The following EYA2 variants were observed in gnomAD, a reference collection of about 807,000 sequenced individuals.
The protein encoded by EYA2 is protein phosphatase EYA2.
EYA2 carries 31 observed loss-of-function variants against 69.2 expected under a neutral mutation model. That is an observed-to-expected ratio of 0.45 (90% CI 0.34 to 0.60). The LOEUF (loss-of-function observed/expected upper bound fraction) is 0.60. Among genes scored for constraint, EYA2 ranks in the 20% least tolerant of loss-of-function variants. EYA2 has a pLI of 0.02. For synonymous variants in EYA2, 257 were observed against 279.4 expected (o/e 0.92, Z 0.80); for missense variants, 622 against 701.2 (o/e 0.89, Z 1.28).
chr20:47,025,891 C>T (rs1395033423), intron 5 of EYA2, among the ~76,000 whole-genome samples: 9 of 152,166 alleles, frequency 5.9e-5, no homozygotes, highest in Non-Finnish European at 1.3e-4. Flanking sequence ...TGTCTCAGGG[C>T]AGTAGTAATT....
chr20:46,918,979 G>A (rs1205032707), intron 1 of EYA2, among the ~76,000 whole-genome samples: 1 of 152,190 alleles, frequency 6.6e-6, no homozygotes, highest in African/African-American at 2.4e-5. Flanking sequence ...AGAGCTCTTG[G>A]GTGACCACGT....
chr20:47,109,773 C>A (rs2032696430), intron 9 of EYA2, among the ~76,000 whole-genome samples: 1 of 152,158 alleles, frequency 6.6e-6, no homozygotes, highest in Admixed American at 6.5e-5. Context: ...GTTTTGGCCC[C>A]CAGGGGACAT....
At chr20:47,028,915 A>G (rs1347911696) in intron 5 of EYA2, among the ~76,000 whole-genome samples, 1 of 151,756 alleles carries the variant, frequency 6.6e-6, no homozygotes, top group Non-Finnish European at 1.5e-5. Context: ...GCGATGCCAT[A>G]GATTATTCAA....
chr20:47,183,133 A>G (rs1366972290), intron 14 of EYA2, among the ~76,000 whole-genome samples, 158 bp from the exon 15 acceptor site: 11 of 152,114 alleles, frequency 7.2e-5, no homozygotes, highest in South Asian at 6.2e-4. Context: ...TGTGGGGATG[A>G]TAACAGGGCT....
At position 47,097,389 on chromosome 20, in the gene EYA2, A is replaced by G. The variant is rs373803508; in HGVS notation, c.888+221A>G. 2.8e-4 allele frequency among the ~76,000 whole-genome samples: 43 copies of G among 152,304 alleles called. 1 individual carries two copies. The South Asian group carries it at 7.5e-3, about 26-fold the overall frequency. ...ATTGTCTTCCATGCCTTTTCTTCCA[A>G]CGTTTGAAGCAATCAACATTTACTT... On this transcript the variant is annotated intron_variant, in intron 9 of 15. Coordinates refer to ENST00000327619, the MANE Select transcript of EYA2 (RefSeq NM_005244.5).
intron 10 of EYA2, among the ~76,000 whole-genome samples, chr20:47,149,934 C>A (rs1197554325): frequency 6.6e-6 from 1 of 152,176 alleles, no homozygotes; most frequent in African/African-American, 2.4e-5. Context: ...GAGGAGGGGG[C>A]CTTCCTTGCT....
At chr20:47,033,824 AAGAT>A (rs1332469757) in intron 5 of EYA2, among the ~76,000 whole-genome samples, 3 of 152,246 alleles carry the variant, frequency 2.0e-5, no homozygotes, top group Non-Finnish European at 4.4e-5. Context: ...TATAGCATGA[AAGAT>A]AGATCAACTT....
chr20:47,161,972 T>C (rs2034077532), intron 10 of EYA2, among the ~76,000 whole-genome samples: 2 of 152,186 alleles, frequency 1.3e-5, no homozygotes, highest in African/African-American at 4.8e-5. Context: ...CCACAGTTCA[T>C]GAGACGAGAA....
At chr20:47,185,207 G>A (rs898279183) in intron 15 of EYA2, among the ~76,000 whole-genome samples, 13 of 150,506 alleles carry the variant, frequency 8.6e-5, no homozygotes, top group Admixed American at 6.0e-4. Context: ...TAAGCCTGGG[G>A]TAAAGGCGGC....
At chr20:47,054,197 T>C (rs1381900786) in intron 5 of EYA2, among the ~76,000 whole-genome samples, 1 of 152,148 alleles carries the variant, frequency 6.6e-6, no homozygotes, top group East Asian at 1.9e-4. Context: ...TGTGAGGCAC[T>C]GAGCATTGCA....
intron 7 of EYA2, among the ~76,000 whole-genome samples, chr20:47,086,492 AG>A (rs1490806165): frequency 2.0e-5 from 3 of 152,080 alleles, no homozygotes; most frequent in African/African-American, 7.2e-5. Flanking sequence ...GGAAGGTAAA[AG>A]GGAAGCAGGC....
At chr20:46,986,256 A>G (rs1196754867) in intron 1 of EYA2, among the ~76,000 whole-genome samples, 2 of 148,854 alleles carry the variant, frequency 1.3e-5, no homozygotes, top group African/African-American at 4.9e-5. Context: ...ACATTTATAT[A>G]AACACTGGAG....
At chr20:46,972,873 T>C (rs1358082065) in intron 1 of EYA2, among the ~76,000 whole-genome samples, 1 of 152,252 alleles carries the variant, frequency 6.6e-6, no homozygotes. Context: ...AGAATGTCAA[T>C]GCTGAACAAA....
intron 1 of EYA2, among the ~76,000 whole-genome samples, chr20:46,943,861 T>C (rs1443223135): frequency 2.0e-5 from 3 of 152,226 alleles, no homozygotes; most frequent in Non-Finnish European, 2.9e-5. Flanking sequence ...TCTCTGTGGC[T>C]TGAAACCCTT....
intron 3 of EYA2, among the ~76,000 whole-genome samples, chr20:47,004,082 A>C (rs1364499463): frequency 6.6e-6 from 1 of 152,270 alleles, no homozygotes; most frequent in African/African-American, 2.4e-5. Flanking sequence ...AGCCCATTAT[A>C]GAACCTGTTG....
intron 1 of EYA2, among the ~76,000 whole-genome samples, chr20:46,982,580 T>G (rs1980905067): frequency 6.6e-6 from 1 of 152,182 alleles, no homozygotes; most frequent in South Asian, 2.1e-4. Flanking sequence ...CTATTACATG[T>G]GTGCTAGATC....
chr20:47,168,306 C>T (rs3091475), intron 10 of EYA2, among the ~76,000 whole-genome samples: 89,321 of 151,796 alleles, frequency 0.59, 27,182 homozygotes, highest in African/African-American at 0.74. Context: ...GTTCTCCTGC[C>T]TCAGCCTCCC....
intron 1 of EYA2, among the ~76,000 whole-genome samples, chr20:46,923,095 C>T (rs12481664): frequency 0.24 from 36,516 of 152,112 alleles, 5,589 homozygotes; most frequent in Non-Finnish European, 0.33. Context: ...AGGCCGGGCA[C>T]GGTGGCTAGT....
chr20:47,045,827 A>G (rs1399828033), intron 5 of EYA2, among the ~76,000 whole-genome samples: 1 of 152,194 alleles, frequency 6.6e-6, no homozygotes, highest in South Asian at 2.1e-4. Flanking sequence ...AAAACTAACA[A>G]TGGTTTGATG....
Sources: gnomAD v4.1 joint callset for allele counts (sites outside exome capture counted in the v4.1 genomes callset) on GRCh38, gnomAD v4.1.1 for gene constraint, MANE v1.5 for transcripts, NCBI Gene and HGNC (gene_info 2026-07-23, HGNC 2026-07-21) for gene names.